The following TEX11 variants were observed in gnomAD, a reference collection of about 807,000 sequenced individuals.
TEX11 encodes testis-expressed protein 11.
A neutral mutation model predicts 84.4 loss-of-function variants in TEX11; 7 were observed. The observed-to-expected ratio is 0.08, with a 90% confidence interval of 0.05 to 0.16. The LOEUF (loss-of-function observed/expected upper bound fraction) is 0.16. TEX11 is among the 10% of genes least tolerant of loss of function. The pLI, the probability that TEX11 is intolerant of heterozygous loss-of-function variation, is 1.00. For synonymous variants in TEX11, 264 were observed against 222.8 expected (o/e 1.18, Z -1.64); for missense variants, 551 against 660.5 (o/e 0.83, Z 1.82).
intron 9 of TEX11, among the ~76,000 whole-genome samples, chrX:70,776,191 A>C (rs1164213303): frequency 9.0e-6 from 1 of 111,584 alleles, no homozygotes; most frequent in Admixed American, 9.6e-5. Context: ...TTCACAATAG[A>C]AAAAATATGT....
chrX:70,665,411 A>G (rs1433631664), intron 16 of TEX11, among the ~76,000 whole-genome samples: 1 of 111,569 alleles, frequency 9.0e-6, no homozygotes, highest in Admixed American at 9.5e-5. Flanking sequence ...ACTTGCACAA[A>G]CCAAATATTT....
intron 28 of TEX11, among the ~76,000 whole-genome samples, chrX:70,534,036 G>A (rs1295477162): frequency 1.0e-5 from 1 of 96,620 alleles, no homozygotes; most frequent in Non-Finnish European, 2.0e-5. Context: ...AGGTTGCAGT[G>A]AGCCGAGATT....
At chrX:70,820,242 G>A (rs940424031) in intron 8 of TEX11, among the ~76,000 whole-genome samples, 4 of 111,616 alleles carry the variant, frequency 3.6e-5, no homozygotes, top group Admixed American at 9.6e-5. Flanking sequence ...GAATAGAATA[G>A]AAGAGCCAGA....
At chrX:70,820,275 C>T (rs1392978690) in intron 8 of TEX11, among the ~76,000 whole-genome samples, 3 of 111,538 alleles carry the variant, frequency 2.7e-5, no homozygotes. Flanking sequence ...CATTCACAGG[C>T]AACTGATCTT....
chrX:70,782,154 G>A (rs772747455), intron 9 of TEX11, among the ~76,000 whole-genome samples: 143 of 111,736 alleles, frequency 1.3e-3, no homozygotes, highest in African/African-American at 4.2e-3. Flanking sequence ...AGAGAATGGC[G>A]GCCAATATTC....
intron 9 of TEX11, among the ~76,000 whole-genome samples, chrX:70,801,653 CTT>C (rs1239451113): frequency 1.1e-5 from 1 of 87,599 alleles, no homozygotes; most frequent in East Asian, 4.6e-4. Context: ...TTCTTTCTTT[CTT>C]TCTTTCTTTC....
chrX:70,907,644 G>A, intron 2 of TEX11, 109 bp downstream of exon 2: 10 of 575,522 alleles, frequency 1.7e-5, no homozygotes, highest in Non-Finnish European at 2.9e-5. Context: ...CGCCCGCCTC[G>A]GCCTCCCAAA....
At chrX:70,760,520 A>AT (rs1835296531) in intron 9 of TEX11, among the ~76,000 whole-genome samples, 1 of 111,939 alleles carries the variant, frequency 8.9e-6, no homozygotes, top group African/African-American at 3.2e-5. Flanking sequence ...AGGATTCCCT[A>AT]TTTAATAATT....
intron 7 of TEX11, among the ~76,000 whole-genome samples, chrX:70,843,299 T>A (rs188840265): frequency 8.1e-5 from 9 of 110,703 alleles, no homozygotes; most frequent in African/African-American, 3.0e-4. Context: ...TCAGAAATAA[T>A]GCCGCATATC....
intron 8 of TEX11, among the ~76,000 whole-genome samples, chrX:70,829,393 A>G (rs909432384): frequency 9.2e-6 from 1 of 108,602 alleles, no homozygotes; most frequent in African/African-American, 3.4e-5. Context: ...GAGGCAGGAG[A>G]ATTACTTGAA....
At chrX:70,779,044 T>C (rs188201955) in intron 9 of TEX11, among the ~76,000 whole-genome samples, 8 of 110,796 alleles carry the variant, frequency 7.2e-5, no homozygotes, top group African/African-American at 2.6e-4. Flanking sequence ...AACATATATA[T>C]ATGTATGTAC....
chrX:70,535,874 T>C (rs2087951361), intron 28 of TEX11, among the ~76,000 whole-genome samples: 2 of 110,421 alleles, frequency 1.8e-5, no homozygotes, highest in Admixed American at 9.6e-5. Flanking sequence ...CCCAAAGTGC[T>C]GGGATTACAT....
intron 11 of TEX11, among the ~76,000 whole-genome samples, chrX:70,730,382 A>C (rs1197802032): frequency 3.6e-5 from 4 of 111,867 alleles, no homozygotes; most frequent in African/African-American, 1.3e-4. Flanking sequence ...GTCAAGACCC[A>C]TCAGTGTGCT....
intron 8 of TEX11, among the ~76,000 whole-genome samples, chrX:70,822,895 T>A (rs1407844527): frequency 9.0e-6 from 1 of 110,569 alleles, no homozygotes; most frequent in Non-Finnish European, 1.9e-5. Context: ...AACTCACTCA[T>A]TACCATGAGG....
intron 5 of TEX11, 89 bp downstream of exon 5, chrX:70,860,768 C>G: frequency 3.4e-6 from 2 of 596,816 alleles, no homozygotes; most frequent in Non-Finnish European, 5.4e-6. Flanking sequence ...AAGATTCAAC[C>G]CCCTTCCAGT....
At chrX:70,552,370 G>A (rs1321955205) in intron 27 of TEX11, 124 bp from the exon 28 acceptor site, 4 of 829,521 alleles carry the variant, frequency 4.8e-6, no homozygotes, top group East Asian at 7.2e-5. Flanking sequence ...TTCTTCCCTC[G>A]GTTTTATCTG....
chrX:70,780,568 A>C (rs1392732251), intron 9 of TEX11, among the ~76,000 whole-genome samples: 1 of 112,167 alleles, frequency 8.9e-6, no homozygotes, highest in Non-Finnish European at 1.9e-5. Context: ...GGAAGCTGTG[A>C]CAGTCTGTAC....
At chrX:70,739,435 C>T (rs1474433096) in intron 11 of TEX11, among the ~76,000 whole-genome samples, 3 of 93,612 alleles carry the variant, frequency 3.2e-5, no homozygotes, top group Admixed American at 1.3e-4. Context: ...TTTTTTGAGA[C>T]GGAGACTTGC....
At chrX:70,627,414 A>G (rs1297624385) in intron 18 of TEX11, among the ~76,000 whole-genome samples, 1 of 112,049 alleles carries the variant, frequency 8.9e-6, no homozygotes, top group Non-Finnish European at 1.9e-5. Context: ...ACAAGTGTGT[A>G]AGTTTAGAGA....
Sources: gnomAD v4.1 joint callset for allele counts (sites outside exome capture counted in the v4.1 genomes callset) on GRCh38, gnomAD v4.1.1 for gene constraint, MANE v1.5 for transcripts, NCBI Gene and HGNC (gene_info 2026-07-23, HGNC 2026-07-21) for gene names.